Variants in WWOX observed in about 807,000 individuals in gnomAD.
WWOX encodes WW domain containing oxidoreductase.
WWOX carries 69 observed loss-of-function variants against 46.2 expected under a neutral mutation model. The ratio of observed to expected loss-of-function variants is 1.49; its 90% confidence interval spans 1.23 to 1.82. The LOEUF (loss-of-function observed/expected upper bound fraction) is 1.82. Among genes scored for constraint, WWOX ranks in the 40% most tolerant of loss-of-function variants. The pLI is 0.00. For synonymous variants in WWOX, 359 were observed against 202.6 expected, an observed-to-expected ratio of 1.77 and a Z score of -6.56; for missense variants, 919 against 542.6, an observed-to-expected ratio of 1.69 and a Z score of -6.89.
chr16:79,170,233 A>G (rs1239489040), intron 8 of WWOX, among the ~76,000 whole-genome samples: 1 of 152,202 alleles, frequency 6.6e-6, no homozygotes, highest in Non-Finnish European at 1.5e-5. Context: ...CCTTACAAAC[A>G]TCATCTCATT....
intron 8 of WWOX, among the ~76,000 whole-genome samples, chr16:79,074,111 C>T (rs537568569): frequency 3.9e-5 from 6 of 152,120 alleles, no homozygotes; most frequent in Non-Finnish European, 5.9e-5. Context: ...TTTCTTTTAC[C>T]GGCTGACTAG....
chr16:78,835,974 C>G (rs913147076), intron 8 of WWOX, among the ~76,000 whole-genome samples: 6 of 152,114 alleles, frequency 3.9e-5, no homozygotes, highest in Admixed American at 3.9e-4. Flanking sequence ...CCTAAGCTGC[C>G]ACTTCTTCAA....
At chr16:79,000,018 G>A (rs1300566806) in intron 8 of WWOX, among the ~76,000 whole-genome samples, 1 of 151,990 alleles carries the variant, frequency 6.6e-6, no homozygotes, top group African/African-American at 2.4e-5. Context: ...TTAGTAAAAC[G>A]CAGTATCTTC....
chr16:78,677,759 A>C (rs1009485796), intron 8 of WWOX, among the ~76,000 whole-genome samples: 1 of 152,218 alleles, frequency 6.6e-6, no homozygotes, highest in Non-Finnish European at 1.5e-5. Flanking sequence ...AGAAAACACT[A>C]GCTGGTATTA....
intron 8 of WWOX, among the ~76,000 whole-genome samples, chr16:79,067,582 C>G (rs1455690323): frequency 7.1e-6 from 1 of 140,330 alleles, no homozygotes; most frequent in African/African-American, 2.7e-5. Context: ...ATACTTCATG[C>G]TCATCCTCTG....
At chr16:78,646,199 T>C (rs1464178107) in intron 8 of WWOX, among the ~76,000 whole-genome samples, 1 of 152,142 alleles carries the variant, frequency 6.6e-6, no homozygotes, top group African/African-American at 2.4e-5. Flanking sequence ...TTGGTTGTTT[T>C]TGGTAGAGAT....
At chr16:79,057,469 G>T (rs1418753315) in intron 8 of WWOX, among the ~76,000 whole-genome samples, 1 of 152,190 alleles carries the variant, frequency 6.6e-6, no homozygotes, top group Admixed American at 6.5e-5. Flanking sequence ...TCTCATTAGA[G>T]TCTTTCTGTA....
chr16:78,556,316 T>G (rs1191693973), intron 8 of WWOX, among the ~76,000 whole-genome samples: 1 of 151,214 alleles, frequency 6.6e-6, no homozygotes. Flanking sequence ...AGTCGGCGAT[T>G]GGGAACGCTT....
intron 8 of WWOX, among the ~76,000 whole-genome samples, chr16:78,828,943 G>T (rs558514255): frequency 7.9e-5 from 12 of 152,274 alleles, no homozygotes; most frequent in African/African-American, 2.9e-4. Context: ...ACTTATAGAG[G>T]TTAAAGGGAC....
At chr16:78,103,791 C>T (rs780923148) in intron 1 of WWOX, among the ~76,000 whole-genome samples, 53 of 152,194 alleles carry the variant, frequency 3.5e-4, no homozygotes, top group Non-Finnish European at 6.8e-4. Flanking sequence ...GGGCCATGGC[C>T]AGGGATAGAG....
intron 8 of WWOX, among the ~76,000 whole-genome samples, chr16:78,935,774 G>C (rs182258494): frequency 1.3e-5 from 2 of 151,904 alleles, no homozygotes; most frequent in Admixed American, 1.3e-4. Flanking sequence ...TTAGCTGGGC[G>C]TGATGGCACC....
At chr16:78,749,065 C>T (rs1344857807) in intron 8 of WWOX, among the ~76,000 whole-genome samples, 2 of 152,208 alleles carry the variant, frequency 1.3e-5, no homozygotes, top group East Asian at 1.9e-4. Context: ...AATTGCTGAT[C>T]ACATGGTCTG....
rs147983822 is a variant in WWOX at position 78,602,110 on chromosome 16, C to A, written c.1056+169358C>A. On this transcript the variant is annotated intron_variant, in intron 8 of 8. Coordinates refer to ENST00000566780, the MANE Select transcript of WWOX (RefSeq NM_016373.4). ...AAATGATTCTGTTGGGCTTATTACA[C>A]GCTTTTGAACTAATCACACTAGTAG... 3.3e-5 allele frequency among the ~76,000 whole-genome samples: 5 copies of A among 152,306 alleles called. No homozygotes were observed. The South Asian group carries it at 1.0e-3, about 32-fold the overall frequency.
chr16:78,519,032 T>G (rs982935899), intron 8 of WWOX, among the ~76,000 whole-genome samples: 3 of 152,192 alleles, frequency 2.0e-5, no homozygotes, highest in Admixed American at 6.5e-5. Flanking sequence ...TAGTTTTTGT[T>G]TAGCTGTTTT....
intron 8 of WWOX, among the ~76,000 whole-genome samples, chr16:78,507,778 T>G (rs2085249525): frequency 6.6e-6 from 1 of 152,102 alleles, no homozygotes; most frequent in African/African-American, 2.4e-5. Context: ...GCAGAGCCAT[T>G]CTCAGCATCC....
chr16:78,918,251 A>G (rs1342359993), intron 8 of WWOX, among the ~76,000 whole-genome samples: 1 of 152,156 alleles, frequency 6.6e-6, no homozygotes, highest in Non-Finnish European at 1.5e-5. Flanking sequence ...TCAAAATTTT[A>G]AAAAATAAAA....
intron 5 of WWOX, among the ~76,000 whole-genome samples, chr16:78,230,110 G>A (rs996606180): frequency 6.6e-6 from 1 of 151,978 alleles, no homozygotes; most frequent in Non-Finnish European, 1.5e-5. Context: ...GATCTCCTGG[G>A]CTCTAGCAAT....
At chr16:78,435,396 A>G (rs1321885084) in intron 8 of WWOX, among the ~76,000 whole-genome samples, 9 of 152,184 alleles carry the variant, frequency 5.9e-5, no homozygotes, top group Non-Finnish European at 1.3e-4. Context: ...CTACTTGTGA[A>G]CAGGCCTCAA....
At chr16:78,465,033 G>C (rs1294763466) in intron 8 of WWOX, among the ~76,000 whole-genome samples, 1 of 152,130 alleles carries the variant, frequency 6.6e-6, no homozygotes, top group Non-Finnish European at 1.5e-5. Context: ...GTGTGCAGGG[G>C]AACTGCCCTT....
Sources: gnomAD v4.1 joint callset for allele counts (sites outside exome capture counted in the v4.1 genomes callset) on GRCh38, gnomAD v4.1.1 for gene constraint, MANE v1.5 for transcripts, NCBI Gene and HGNC (gene_info 2026-07-23, HGNC 2026-07-21) for gene names.